The following DPP6 variants were observed in gnomAD, a reference collection of about 807,000 sequenced individuals.
DPP6 encodes the protein A-type potassium channel modulatory protein DPP6.
DPP6 carries 69 observed loss-of-function variants against 122.6 expected under a neutral mutation model. That is an observed-to-expected ratio of 0.56 (90% confidence interval 0.46 to 0.69). The LOEUF (loss-of-function observed/expected upper bound fraction) is 0.69, where lower values mean the gene tolerates loss of function less well. DPP6 is among the 30% of genes least tolerant of loss of function. The probability of loss-of-function intolerance (pLI) is 0.00; values close to 1 mark genes in which losing one functional copy is unlikely to be tolerated. For synonymous variants in DPP6, 418 were observed against 433.1 expected (o/e 0.97, Z 0.43); for missense variants, 928 against 1,116.9 (o/e 0.83, Z 2.41).
At chr7:153,918,524 AAC>A (rs71182852) in intron 1 of DPP6, among the ~76,000 whole-genome samples, 1,828 of 77,436 alleles carry the variant, frequency 0.024, 54 homozygotes, top group South Asian at 0.056. Context: ...AGGTAATTAA[AAC>A]ACACACACAC....
intron 3 of DPP6, among the ~76,000 whole-genome samples, chr7:154,534,520 G>A (rs1370953388): frequency 6.6e-6 from 1 of 152,178 alleles, no homozygotes; most frequent in East Asian, 1.9e-4. Context: ...GAACAAAAAA[G>A]TGCATTGAGT....
chr7:154,085,791 G>A (rs1394199702), intron 1 of DPP6, among the ~76,000 whole-genome samples: 8 of 152,056 alleles, frequency 5.3e-5, no homozygotes, highest in Admixed American at 2.0e-4. Flanking sequence ...GCAATGGCAC[G>A]ATCTTGGCTC....
chr7:154,585,969 C>G (rs1334458974), intron 5 of DPP6, among the ~76,000 whole-genome samples: 1 of 152,084 alleles, frequency 6.6e-6, no homozygotes, highest in Admixed American at 6.5e-5. Flanking sequence ...CAGGGGAAGG[C>G]ACTCCAGATG....
At chr7:153,787,834 TTTC>T in the DPP6 span, among the ~76,000 whole-genome samples, 1 of 41,902 alleles carries the variant, frequency 2.4e-5, no homozygotes, top group Admixed American at 4.1e-4. Flanking sequence ...TGATTTACAA[TTTC>T]TTTTTTTTTT....
intron 1 of DPP6, among the ~76,000 whole-genome samples, chr7:154,314,639 C>G (rs1378070007): frequency 6.6e-6 from 1 of 152,240 alleles, no homozygotes. Flanking sequence ...AACCACACAT[C>G]TAATTCAGCA....
rs186004804 is a variant in DPP6, at chr7:153,974,826, C to T, written c.51+87092C>T. ...TTACTTTGCTGCACAATCTCTGTGC[C>T]CAGTTCAGCCAGAGAGAGCAGCCCT... On this transcript the variant is annotated intron_variant, in intron 1 of 25. Transcript: ENST00000404039. Among the ~76,000 whole-genome samples, 609 of 152,250 alleles carry T rather than the reference C, an allele frequency of 4.0e-3. 3 individuals carry two copies. The highest frequency in any genetic ancestry group is 4.9e-3 in the Non-Finnish European group (334 of 68,028).
chr7:154,240,346 A>G (rs1201398534), intron 1 of DPP6, among the ~76,000 whole-genome samples: 3 of 152,176 alleles, frequency 2.0e-5, no homozygotes, highest in Non-Finnish European at 4.4e-5. Flanking sequence ...GGATGAAAAA[A>G]TCTGCTCTTT....
chr7:154,266,647 C>T (rs903019682), intron 1 of DPP6, among the ~76,000 whole-genome samples: 3 of 152,102 alleles, frequency 2.0e-5, no homozygotes, highest in African/African-American at 7.2e-5. Context: ...GACTGAAATT[C>T]ATTGGTTAAC....
chr7:154,359,955 G>A (rs1460464279), intron 1 of DPP6, among the ~76,000 whole-genome samples: 1 of 152,180 alleles, frequency 6.6e-6, no homozygotes, highest in Non-Finnish European at 1.5e-5. Flanking sequence ...CCTTGGGCAG[G>A]CAGAAATGAT....
intron 1 of DPP6, among the ~76,000 whole-genome samples, chr7:154,306,677 A>T (rs1219310819): frequency 6.6e-6 from 1 of 152,202 alleles, no homozygotes; most frequent in East Asian, 1.9e-4. Context: ...CCATTTATCG[A>T]TAAAAGGGGG....
Position 154,061,860 on chromosome 7 carries a change from C to T in DPP6, c.243+8797C>T, listed in dbSNP as rs1461010657. On this transcript the variant is annotated intron_variant, in intron 1 of 25. Coordinates refer to ENST00000377770, the MANE Select transcript of DPP6 (RefSeq NM_130797.4). ...CTCTTAGGATCCCCATCGCTGGGGG[C>T]GGAGGCACCCCCCGCGAGGCAGGGA... 5.5e-5 allele frequency among the ~76,000 whole-genome samples: 6 copies of T among 109,422 alleles called. 1 individual carries two copies. The highest frequency in any genetic ancestry group is 1.9e-4 in the African/African-American group (5 of 26,336). The allele number at this position is 109,422 out of a possible 152,430, so 71.8% of individuals were successfully genotyped here.
At chr7:153,884,039 C>T (rs555187050), upstream of DPP6, among the ~76,000 whole-genome samples, 1 of 151,964 alleles carries the variant, frequency 6.6e-6, no homozygotes, top group Non-Finnish European at 1.5e-5. Context: ...ACTTTAAGTT[C>T]TAGGGTACAT....
chr7:154,471,711 C>T (rs938899394), intron 2 of DPP6, among the ~76,000 whole-genome samples: 2 of 152,112 alleles, frequency 1.3e-5, no homozygotes, highest in Admixed American at 6.5e-5. Context: ...AACATCCCCC[C>T]ATAAAGCAGA....
Position 154,282,348 on chromosome 7 carries a change from C to T in DPP6, c.244-163866C>T, listed in dbSNP as rs1412666676. Among the ~76,000 whole-genome samples the T allele has an allele frequency of 2.0e-5, 3 of 152,146 alleles. No individual in the cohort carries two copies. The highest frequency in any genetic ancestry group is 4.4e-5 in the Non-Finnish European group (3 of 68,036). On this transcript the variant is annotated intron_variant, in intron 1 of 25. Coordinates refer to ENST00000377770, the MANE Select transcript of DPP6 (RefSeq NM_130797.4). The surrounding 1 kb of genome is among the most constrained non-coding windows in gnomAD (Gnocchi z 4.8). ...CTCTGGATACACGTGTCCTTTGTGG[C>T]CTACAGAAGACTTTCTTACACAGTG...
chr7:154,188,040 C>A (rs1346211369), intron 1 of DPP6, among the ~76,000 whole-genome samples: 1 of 151,946 alleles, frequency 6.6e-6, no homozygotes, highest in East Asian at 1.9e-4. Context: ...GCTAATGGCT[C>A]TTTCTCAATG....
At chr7:154,654,105 T>G (rs954756886) in intron 6 of DPP6, among the ~76,000 whole-genome samples, 1 of 152,136 alleles carries the variant, frequency 6.6e-6, no homozygotes, top group African/African-American at 2.4e-5. Flanking sequence ...GGATTATAAG[T>G]AGTCTAGAGG....
At chr7:153,788,649 A>G in the DPP6 span, among the ~76,000 whole-genome samples, 6 of 152,162 alleles carry the variant, frequency 3.9e-5, no homozygotes, top group African/African-American at 1.4e-4. Flanking sequence ...CTACATGTGT[A>G]TGGGTCTCAA....
At chr7:154,764,838 G>A (rs938872918) in intron 8 of DPP6, among the ~76,000 whole-genome samples, 2 of 152,104 alleles carry the variant, frequency 1.3e-5, no homozygotes, top group Non-Finnish European at 2.9e-5. Context: ...TGTTCAATAA[G>A]GTTAATTTCC....
intron 4 of DPP6, among the ~76,000 whole-genome samples, chr7:154,564,065 G>A (rs996518642): frequency 1.3e-5 from 2 of 152,164 alleles, no homozygotes; most frequent in African/African-American, 2.4e-5. Context: ...AGAAAAGCAG[G>A]TGATGAGTGT....
Sources: gnomAD v4.1 joint callset for allele counts (sites outside exome capture counted in the v4.1 genomes callset) on GRCh38, gnomAD v4.1.1 for gene constraint, Gnocchi (gnomAD v3.1) non-coding constraint, MANE v1.5 for transcripts, NCBI Gene and HGNC (gene_info 2026-07-23, HGNC 2026-07-21) for gene names.